The following ASTN1 variants were observed in gnomAD, a reference collection of about 807,000 sequenced individuals.
ASTN1 encodes the protein astrotactin 1.
Under a neutral mutation model 140.7 loss-of-function variants are expected in ASTN1, and 41 were observed. That is an observed-to-expected ratio of 0.29 (90% CI 0.23 to 0.38). The LOEUF (loss-of-function observed/expected upper bound fraction) is 0.38. ASTN1 is among the 10% of genes least tolerant of loss of function. The probability of loss-of-function intolerance (pLI) is 1.00; values close to 1 mark genes in which losing one functional copy is unlikely to be tolerated. For synonymous variants in ASTN1, 640 were observed against 652.2 expected (o/e 0.98, Z 0.29); for missense variants, 1,479 against 1,678.8 (o/e 0.88, Z 2.08).
At chr1:177,076,652 G>T (rs1432082425) in intron 1 of ASTN1, among the ~76,000 whole-genome samples, 1 of 151,828 alleles carries the variant, frequency 6.6e-6, no homozygotes, top group Non-Finnish European at 1.5e-5. Flanking sequence ...CTCCCTAGTA[G>T]CTGGGACTAC....
Position 176,863,997 on chromosome 1 carries a change from A to C in ASTN1, c.*287T>G. ...CATTTTGGTAAACTTCTCAGGGAAA[A>C]AAAAATGAATGGAACAAATTAATGG... On this transcript the variant is annotated 3_prime_UTR_variant, in exon 23 of 23. Transcript: ENST00000361833. 1 of 1,171,078 alleles carries C rather than the reference A, an allele frequency of 8.5e-7. No individual in the cohort carries two copies. The highest frequency in any genetic ancestry group is 1.1e-6 in the Non-Finnish European group (1 of 943,906). 72.5% of individuals were successfully genotyped at this position (1,171,078 alleles called of 1,614,324 possible).
In ASTN1 at chr1:177,049,187, C is replaced by T. The variant is rs138947819; in HGVS notation, c.471+11891G>A. Among the ~76,000 whole-genome samples, 335 of 152,296 alleles carry T rather than the reference C, an allele frequency of 2.2e-3. 1 individual carries two copies. Among genetic ancestry groups the T allele is most frequent in the African/African-American group, 7.8e-3 (323 of 41,564 alleles). ...ATTCCTAGAATGTGGGAGCTGAAGG[C>T]AACTTACAAGTTCAGCTAGCCCAGG... On this transcript the variant is annotated intron_variant, in intron 2 of 22. Transcript: ENST00000361833.
chr1:176,957,863 C>T (rs1348669144), intron 10 of ASTN1, 35 bp from the exon 11 acceptor site: 12 of 1,603,554 alleles, frequency 7.5e-6, no homozygotes, highest in Non-Finnish European at 1.0e-5. Context: ...AGGGAGGAGT[C>T]AAGGAGATTC....
At chr1:177,126,367 T>C (rs1681647316) in intron 1 of ASTN1, among the ~76,000 whole-genome samples, 1 of 152,158 alleles carries the variant, frequency 6.6e-6, no homozygotes, top group African/African-American at 2.4e-5. Context: ...GCTAGAGACA[T>C]ACACCAGGCT....
In ASTN1 at chr1:176,862,061, C is replaced by T. The variant is rs1667985020; in HGVS notation, c.*2223G>A. ...AGATATGAATAGAAGGATGGCAAAA[C>T]AGTAGCAGCAAAGAGATGCTCTGGG... is the stretch of plus-strand genomic sequence containing the variant. On this transcript the variant is annotated 3_prime_UTR_variant, in exon 23 of 23. Transcript: ENST00000361833. 3 of 985,390 alleles carry T rather than the reference C, an allele frequency of 3.0e-6. No homozygotes were observed. The highest frequency in any genetic ancestry group is 3.6e-6 in the Non-Finnish European group (3 of 829,946). 61.0% of individuals were successfully genotyped at this position (985,390 alleles called of 1,614,324 possible).
chr1:177,009,584 G>A (rs1233109068), intron 8 of ASTN1, among the ~76,000 whole-genome samples: 3 of 152,190 alleles, frequency 2.0e-5, no homozygotes, highest in Non-Finnish European at 4.4e-5. Context: ...AGAAATAGAA[G>A]GGAAGACAGT....
intron 10 of ASTN1, 125 bp downstream of exon 10, chr1:176,958,220 A>G: frequency 6.9e-7 from 1 of 1,446,934 alleles, no homozygotes; most frequent in South Asian, 1.3e-5. Flanking sequence ...GGGAATTTGC[A>G]GGCTGCCTGC....
chr1:177,164,464 G>A lies in ASTN1; in HGVS notation c.213C>T (p.Arg71=). Residue 71 remains arginine, a synonymous_variant, in exon 1 of 23, where the codon CGC becomes CGT. Transcript: ENST00000361833. ...CGACCATTTCTCCCGGGAAGTCGTT[G>A]CGCACCGAGAAGAGGAGCTTGGGCT... ...ASEPKLLFSV[R]NDFPGEMVVV... is the part of the protein sequence containing the mutation. 1 of 1,613,882 alleles carries A rather than the reference G, an allele frequency of 6.2e-7. No individual in the cohort carries two copies.
At chr1:177,004,940 C>G (rs1674919084) in intron 8 of ASTN1, among the ~76,000 whole-genome samples, 1 of 151,982 alleles carries the variant, frequency 6.6e-6, no homozygotes, top group South Asian at 2.1e-4. Context: ...ACTAAGACCC[C>G]AAAAGTAAAT....
intron 8 of ASTN1, among the ~76,000 whole-genome samples, chr1:176,982,369 T>C (rs1206822821): frequency 6.6e-6 from 1 of 152,194 alleles, no homozygotes; most frequent in African/African-American, 2.4e-5. Flanking sequence ...AATTCAGGGA[T>C]GGCTTATTGG....
intron 20 of ASTN1, among the ~76,000 whole-genome samples, chr1:176,880,290 C>T (rs1557930647): frequency 6.6e-6 from 1 of 152,128 alleles, no homozygotes. Context: ...CTCGTAAGCC[C>T]CCTGCTAAGG....
intron 1 of ASTN1, among the ~76,000 whole-genome samples, chr1:177,146,925 T>C (rs1012544861): frequency 6.6e-6 from 1 of 152,208 alleles, no homozygotes; most frequent in African/African-American, 2.4e-5. Flanking sequence ...TTTCTGTGTG[T>C]ACCCCCCATT....
intron 1 of ASTN1, among the ~76,000 whole-genome samples, chr1:177,075,630 CTTTTCTTTTCTTTTCTT>C (rs1678860168): frequency 7.7e-6 from 1 of 129,934 alleles, no homozygotes; most frequent in African/African-American, 3.0e-5. Flanking sequence ...TCTTTCTTTT[CTTTTCTTTTCTTTTCTT>C]TTTTTTTTTT....
chr1:176,982,912 G>C (rs978241346), intron 8 of ASTN1, among the ~76,000 whole-genome samples: 1 of 152,168 alleles, frequency 6.6e-6, no homozygotes, highest in Non-Finnish European at 1.5e-5. Flanking sequence ...GGTAAGGAAG[G>C]TAAGGAATAG....
intron 1 of ASTN1, among the ~76,000 whole-genome samples, chr1:177,119,855 C>G (rs1430681545): frequency 1.3e-5 from 2 of 152,144 alleles, no homozygotes; most frequent in African/African-American, 4.8e-5. Flanking sequence ...CCTTAACATC[C>G]CCCTCTTCCA....
chr1:176,864,246 C>CT lies in ASTN1; in HGVS notation c.*37dup. On this transcript the variant is annotated 3_prime_UTR_variant, in exon 23 of 23. Transcript: ENST00000361833. ...AACCCAGATGGATCCCTCCTCTTTC[C>CT]TACTTCATTCTGGCAGCAGCTCCCT... 1.2e-6 allele frequency: 2 copies of CT among 1,603,996 alleles called. No individual in the cohort carries two copies. Among genetic ancestry groups the CT allele is most frequent in the Non-Finnish European group, 1.7e-6 (2 of 1,174,382 alleles).
At chr1:177,117,830 C>T (rs774204806) in intron 1 of ASTN1, among the ~76,000 whole-genome samples, 2 of 152,148 alleles carry the variant, frequency 1.3e-5, no homozygotes, top group Non-Finnish European at 2.9e-5. Context: ...TATCAATCAC[C>T]CTTTGAAATT....
intron 1 of ASTN1, among the ~76,000 whole-genome samples, chr1:177,136,102 A>T (rs1374371448): frequency 6.6e-6 from 1 of 152,094 alleles, no homozygotes; most frequent in Non-Finnish European, 1.5e-5. Context: ...CCAAATGAAA[A>T]CCCATCCTAC....
In ASTN1 at chr1:176,944,890, G is replaced by T. The variant is rs545714070; in HGVS notation, c.2250-872C>A. On this transcript the variant is annotated intron_variant, in intron 13 of 22. Transcript: ENST00000361833. ...CAAACCAATTCCCAGGCTAAAAGGG[G>T]AAATGTTAGTAATGTCTCCTGTCTA... Among the ~76,000 whole-genome samples, 15 of 152,270 alleles carry T rather than the reference G, an allele frequency of 9.9e-5. 1 individual carries two copies. The highest frequency in any genetic ancestry group is 3.6e-4 in the African/African-American group (15 of 41,550).
Sources: allele counts gnomAD v4.1 joint callset (sites outside exome capture counted in the v4.1 genomes callset), GRCh38; gene constraint gnomAD v4.1.1; transcripts MANE v1.5; gene names NCBI Gene and HGNC (gene_info 2026-07-23, HGNC 2026-07-21).